Variants in SSH2 observed in about 807,000 individuals in gnomAD.
SSH2 encodes the protein slingshot protein phosphatase 2.
In SSH2, 37 loss-of-function variants were observed where a neutral mutation model predicts 135.2. The observed-to-expected ratio is 0.27, with a 90% CI of 0.21 to 0.36. The LOEUF is 0.36. Among genes scored for constraint, SSH2 ranks in the 10% least tolerant of loss-of-function variants. SSH2 has a pLI of 1.00. For missense variants in SSH2, 1,408 were observed against 1,765.3 expected (o/e 0.80, Z 3.63); for synonymous variants, 628 against 646.2 (o/e 0.97, Z 0.43).
chr17:29,672,093 G>A lies in SSH2; in HGVS notation c.651C>T (p.Val217=), dbSNP rs1319888836. ...CTGGGTAGTAGTTATGCGCTCTGGC[G>A]ACTTCACAAGCCTTGTGTAAGCTCT... is the stretch of plus-strand genomic sequence containing the variant. The part of the protein sequence containing the change: ...ALQSLHKACE[V]ARAHNYYPGS... Residue 217 remains valine, a synonymous_variant, in exon 9 of 16, where the codon GTC becomes GTT. Coordinates refer to ENST00000540801, the MANE Select transcript of SSH2 (RefSeq NM_001282129.2). 4 of 1,614,052 alleles carry A rather than the reference G, an allele frequency of 2.5e-6. No homozygotes were observed. The highest frequency in any genetic ancestry group is 2.2e-5 in the South Asian group (2 of 91,062).
At chr17:29,670,409 T>C (rs1330878340) in intron 9 of SSH2, among the ~76,000 whole-genome samples, 2 of 152,228 alleles carry the variant, frequency 1.3e-5, no homozygotes, top group Non-Finnish European at 2.9e-5. Flanking sequence ...AAGAAGGTCC[T>C]AGCAGCAAAA....
chr17:29,829,499 T>G (rs2042802045), intron 2 of SSH2, among the ~76,000 whole-genome samples: 1 of 152,046 alleles, frequency 6.6e-6, no homozygotes, highest in African/African-American at 2.4e-5. Flanking sequence ...TACATATATA[T>G]ATGGAGAGAG....
chr17:29,772,449 G>GT, intron 3 of SSH2, among the ~76,000 whole-genome samples: 1 of 151,924 alleles, frequency 6.6e-6, no homozygotes, highest in Admixed American at 6.6e-5. Context: ...GTTTCACCGT[G>GT]TTAGCCAAAA....
chr17:29,681,376 G>A (rs2037982934), intron 6 of SSH2, among the ~76,000 whole-genome samples: 1 of 124,308 alleles, frequency 8.0e-6, no homozygotes, highest in South Asian at 2.7e-4. Flanking sequence ...GCTTTTTCAC[G>A]CAACAGGAAG....
At chr17:29,737,979 C>T (rs544974650) in intron 3 of SSH2, among the ~76,000 whole-genome samples, 3 of 152,174 alleles carry the variant, frequency 2.0e-5, no homozygotes, top group East Asian at 1.9e-4. Flanking sequence ...ATGCGCACAA[C>T]GTGCAGGTTA....
intron 1 of SSH2, among the ~76,000 whole-genome samples, chr17:29,923,084 G>C (rs1328858007): frequency 1.3e-5 from 2 of 152,054 alleles, no homozygotes; most frequent in Non-Finnish European, 2.9e-5. Context: ...CTAATTTTTT[G>C]TATTTTTAGT....
intron 3 of SSH2, among the ~76,000 whole-genome samples, chr17:29,779,686 G>A: frequency 6.6e-6 from 1 of 151,312 alleles, no homozygotes. Flanking sequence ...GGGCGTGGTG[G>A]TGGGCCCTGT....
chr17:29,681,238 G>A (rs1302952729), intron 6 of SSH2, among the ~76,000 whole-genome samples: 1 of 148,694 alleles, frequency 6.7e-6, no homozygotes, highest in Non-Finnish European at 1.5e-5. Context: ...GGGAGGCTGA[G>A]GCAGGAGAAT....
At chr17:29,830,669 A>G (rs566572994) in intron 2 of SSH2, among the ~76,000 whole-genome samples, 1 of 152,348 alleles carries the variant, frequency 6.6e-6, no homozygotes, top group Admixed American at 6.5e-5. Flanking sequence ...ATTGGTTAAA[A>G]GAATAAATGA....
At chr17:29,760,849 A>C (rs1286025928) in intron 3 of SSH2, among the ~76,000 whole-genome samples, 1 of 151,988 alleles carries the variant, frequency 6.6e-6, no homozygotes, top group Non-Finnish European at 1.5e-5. Flanking sequence ...CTCAGCTGTC[A>C]CTCGGTCACC....
intron 9 of SSH2, among the ~76,000 whole-genome samples, chr17:29,669,001 C>T (rs896288248): frequency 1.3e-5 from 2 of 152,102 alleles, no homozygotes; most frequent in East Asian, 3.9e-4. Flanking sequence ...ATAATCCCAG[C>T]ACTTTGGGAG....
Position 29,781,480 on chromosome 17 carries a change from T to C in SSH2, c.188+12414A>G, listed in dbSNP as rs1035990583. 6.4e-3 allele frequency among the ~76,000 whole-genome samples: 891 copies of C among 139,578 alleles called. 7 individuals carry two copies. The highest frequency in any genetic ancestry group is 0.023 in the African/African-American group (850 of 37,314). The allele number at this position is 139,578 out of a possible 152,430, so 91.6% of individuals were successfully genotyped here. ...GCCCTAATCCTGTGTTTTCTTTTTTTTTTTTTTTTTTTTTTTTGAGATGGA... is the reference window on the plus strand; with the variant it reads ...GCCCTAATCCTGTGTTTTCTTTTTTCTTTTTTTTTTTTTTTTTGAGATGGA... On this transcript the variant is annotated intron_variant, in intron 3 of 15. Coordinates refer to ENST00000540801, the MANE Select transcript of SSH2 (RefSeq NM_001282129.2).
At chr17:29,898,508 G>A (rs567947011) in intron 1 of SSH2, among the ~76,000 whole-genome samples, 4 of 152,220 alleles carry the variant, frequency 2.6e-5, no homozygotes, top group East Asian at 1.9e-4. Context: ...ACACCTCTAC[G>A]CAAATAAACT....
chr17:29,780,438 T>A (rs1045427885), intron 3 of SSH2: 7 of 148,516 alleles, frequency 4.7e-5, no homozygotes, highest in African/African-American at 1.7e-4. Flanking sequence ...TGTTTCAATT[T>A]TTTTTTTTTT....
chr17:29,858,274 T>G (rs1174868321), intron 1 of SSH2, among the ~76,000 whole-genome samples: 1 of 152,174 alleles, frequency 6.6e-6, no homozygotes, highest in Non-Finnish European at 1.5e-5. Context: ...TACCACAAAC[T>G]CGATGGCTTA....
intron 1 of SSH2, among the ~76,000 whole-genome samples, chr17:29,855,063 G>A (rs947099938): frequency 6.6e-6 from 1 of 152,188 alleles, no homozygotes; most frequent in Non-Finnish European, 1.5e-5. Context: ...ATGGTTTTAA[G>A]AGGCAGAGAA....
At chr17:29,682,987 T>G (rs2038047455) in intron 6 of SSH2, among the ~76,000 whole-genome samples, 1 of 152,198 alleles carries the variant, frequency 6.6e-6, no homozygotes. Context: ...CCAAGTCATT[T>G]TCAGGTTGAC....
chr17:29,646,833 G>T (rs1176231116), intron 14 of SSH2, among the ~76,000 whole-genome samples: 1 of 152,040 alleles, frequency 6.6e-6, no homozygotes, highest in Non-Finnish European at 1.5e-5. Flanking sequence ...TTGTTTCTAG[G>T]AAGTGCTTTC....
In SSH2 at chr17:29,741,460, C is replaced by T. The variant is rs114693693; in HGVS notation, c.189-38398G>A. Among the ~76,000 whole-genome samples, 954 of 152,142 alleles carry T rather than the reference C, an allele frequency of 6.3e-3. 11 individuals are homozygous for T. Among genetic ancestry groups the T allele is most frequent in the African/African-American group, 0.022 (903 of 41,480 alleles). ...GGACATAATCAAAATGTTCAACAAT[C>T]GGATTGAATATGAATCAGTCTTATG... On this transcript the variant is annotated intron_variant, in intron 3 of 15. Coordinates refer to ENST00000540801, the MANE Select transcript of SSH2 (RefSeq NM_001282129.2).
Sources: allele counts gnomAD v4.1 joint callset (sites outside exome capture counted in the v4.1 genomes callset), GRCh38; gene constraint gnomAD v4.1.1; transcripts MANE v1.5; gene names NCBI Gene and HGNC (gene_info 2026-07-23, HGNC 2026-07-21).